Variants in TECR observed in about 807,000 individuals in gnomAD.
TECR encodes trans-2,3-enoyl-CoA reductase.
A neutral mutation model predicts 50.6 loss-of-function variants in TECR; 19 were observed. The ratio of observed to expected loss-of-function variants is 0.38; its 90% CI spans 0.26 to 0.55. The LOEUF is 0.55. Among genes scored for constraint, TECR ranks in the 20% least tolerant of loss-of-function variants. The pLI is 0.79. For missense variants in TECR, 313 were observed against 408.3 expected (o/e 0.77, Z 2.01); for synonymous variants, 168 against 163.5 (o/e 1.03, Z -0.21).
At chr19:14,558,698 C>G (rs529077853) in intron 1 of TECR, among the ~76,000 whole-genome samples, 1 of 152,294 alleles carries the variant, frequency 6.6e-6, no homozygotes, top group Admixed American at 6.5e-5. Context: ...GTGCTGGGAC[C>G]TCGCTGACAC....
rs2073948548 is a variant in TECR, at chr19:14,563,043, C to T, written c.67-163C>T. Reference sequence around the variant, plus strand: ...CTGCTGTCACTGCACTGGCAGGGCCCTCGGTGGTCCTTCCCTGACTGCAGG... The same window carrying T: ...CTGCTGTCACTGCACTGGCAGGGCCTTCGGTGGTCCTTCCCTGACTGCAGG... On this transcript the variant is annotated intron_variant, in intron 2 of 12. Transcript: ENST00000215567. This position sits in a 1 kb window ranked among gnomAD's most constrained non-coding sequence, Gnocchi z 5.3. 13 of 829,550 alleles carry T rather than the reference C, an allele frequency of 1.6e-5. No homozygotes were observed. The South Asian group carries it at 1.8e-4, about 11-fold the overall frequency. The allele number at this position is 829,550 out of a possible 1,614,324, so 51.4% of individuals were successfully genotyped here.
intron 1 of TECR, among the ~76,000 whole-genome samples, chr19:14,543,442 T>A (rs1357113301): frequency 0.096 from 5,089 of 53,146 alleles, 498 homozygotes; most frequent in Non-Finnish European, 0.16. Flanking sequence ...TTTTTTTTTT[T>A]TTTTTTTTTT....
chr19:14,565,207 A>G lies in TECR; in HGVS notation c.670A>G (p.Lys224Glu). ...CCTTCTGTCCTGCCTGCCAGGGTCC[A>G]AGACGCGGAAGATCCCATACCCCAC... ...ALRDLRPAGS[K>E]TRKIPYPTKN... Residue 224 changes from lysine to glutamate, a missense_variant, in exon 11 of 13, where the codon AAG becomes GAG. Transcript: ENST00000215567. 6.2e-7 allele frequency: 1 copy of G among 1,613,970 alleles called. No homozygotes were observed. The highest frequency in any genetic ancestry group is 1.1e-5 in the South Asian group (1 of 91,080).
Position 14,563,654 on chromosome 19 carries a change from G to A in TECR, c.119-4G>A, listed in dbSNP as rs764708838. ...GGGCTGTAACTGCCCTGTTCTCCCC[G>A]CAGATCCGCAGTGGTACCCCGCCCG... On this transcript the variant is annotated splice_polypyrimidine_tract_variant and splice_region_variant and intron_variant, in intron 3 of 12. Transcript: ENST00000215567. This position sits in a 1 kb window ranked among gnomAD's most constrained non-coding sequence, Gnocchi z 5.3. The A allele has an allele frequency of 2.1e-5, 34 of 1,611,278 alleles. No homozygotes were observed. The South Asian group carries it at 3.3e-4, about 16-fold the overall frequency.
In TECR at chr19:14,563,469, C is replaced by T; in HGVS notation, c.119-189C>T. The T allele has an allele frequency of 1.2e-6, 1 of 844,698 alleles. No individual in the cohort carries two copies. Among genetic ancestry groups the T allele is most frequent in the South Asian group, 1.5e-5 (1 of 65,408 alleles). The allele number at this position is 844,698 out of a possible 1,614,324, so 52.3% of individuals were successfully genotyped here. Reference sequence around the variant, plus strand: ...CTCTGGGAAGGACAAGATCCTGCTTCTGCCCGCGCTCTTCTGGCTTGTGTC... The same window carrying T: ...CTCTGGGAAGGACAAGATCCTGCTTTTGCCCGCGCTCTTCTGGCTTGTGTC... On this transcript the variant is annotated intron_variant, in intron 3 of 12. Coordinates refer to ENST00000215567, the MANE Select transcript of TECR (RefSeq NM_138501.6). This position sits in a 1 kb window ranked among gnomAD's most constrained non-coding sequence, Gnocchi z 5.3.
In TECR at chr19:14,565,113, G is replaced by A; in HGVS notation, c.654G>A (p.Leu218=). Residue 218 remains leucine, a synonymous_variant, in exon 10 of 13, where the codon CTG becomes CTA. Transcript: ENST00000215567. ...CCATCCACATGGCCCTGCGGGACCT[G>A]CGGCCCGCTGGTGAGTGCCTGCTGG... ...NFSIHMALRD[L]RPAGSKTRKI... is the part of the protein sequence containing the mutation. The A allele has an allele frequency of 1.2e-6, 2 of 1,613,794 alleles. No homozygotes were observed. Among genetic ancestry groups the A allele is most frequent in the Non-Finnish European group, 1.7e-6 (2 of 1,180,036 alleles).
intron 1 of TECR, among the ~76,000 whole-genome samples, chr19:14,546,905 G>T (rs1238167279): frequency 1.3e-5 from 2 of 152,182 alleles, no homozygotes; most frequent in South Asian, 4.1e-4. Flanking sequence ...GGCCAGGCTG[G>T]TCTCAAACTC....
At position 14,556,434 on chromosome 19, in the gene TECR, C is replaced by CAAAAAAAAAA. The variant is rs1491415468; in HGVS notation, c.16-6091_16-6090insAAAAAAAAAA. Among the ~76,000 whole-genome samples, 70 of 128,726 alleles carry CAAAAAAAAAA rather than the reference C, an allele frequency of 5.4e-4. 1 individual carries two copies. In the South Asian group the frequency reaches 9.0e-3, roughly 17 times the overall value. The allele number at this position is 128,726 out of a possible 152,430, so 84.4% of individuals were successfully genotyped here. A position where few individuals can be genotyped will look rare whatever the true frequency, so the allele number is the denominator to read the frequency against. On this transcript the variant is annotated intron_variant, in intron 1 of 12. Transcript: ENST00000215567. The stretch of plus-strand genomic sequence containing the variant: ...AAAAAAAAAACAAAAACAAAAAAAA[C>CAAAAAAAAAA]CACATTGTGACCTCCCCCACAACCT...
intron 1 of TECR, chr19:14,531,459 G>C (rs1218105522): frequency 1.3e-5 from 2 of 151,040 alleles, no homozygotes; most frequent in East Asian, 4.0e-4. Context: ...TTTCGCTCTT[G>C]TTGAGTACGC....
chr19:14,544,507 A>G (rs1005205557), intron 1 of TECR, among the ~76,000 whole-genome samples: 3 of 151,962 alleles, frequency 2.0e-5, no homozygotes, highest in East Asian at 1.9e-4. Flanking sequence ...CGGCCATTCT[A>G]TGGGACTGGC....
At chr19:14,529,783 G>T in intron 1 of TECR, 72 bp downstream of exon 1, 2 of 1,607,438 alleles carry the variant, frequency 1.2e-6, no homozygotes, top group Admixed American at 1.7e-5. Context: ...GGGACCACGG[G>T]ACCCCACTTT....
At chr19:14,546,339 C>T (rs1221253036) in intron 1 of TECR, among the ~76,000 whole-genome samples, 2 of 151,928 alleles carry the variant, frequency 1.3e-5, no homozygotes, top group Non-Finnish European at 2.9e-5. Flanking sequence ...GTAATTTCAG[C>T]ACTTTGGAAG....
At chr19:14,538,362 G>T (rs1267583250) in intron 1 of TECR, among the ~76,000 whole-genome samples, 1 of 152,042 alleles carries the variant, frequency 6.6e-6, no homozygotes. Context: ...ACACCTGGGG[G>T]CCTGTGGGGG....
chr19:14,560,393 C>A lies in TECR; in HGVS notation c.16-2132C>A, dbSNP rs56079432. ...CGGGCTTGGAAGCATGTGGGCACTG[C>A]CTGCCTGGGGCCCAGGAACTATTAA... On this transcript the variant is annotated intron_variant, in intron 1 of 12. Transcript: ENST00000215567. Among the ~76,000 whole-genome samples the A allele has an allele frequency of 2.7e-3, 417 of 152,306 alleles. 4 individuals are homozygous for A. Among genetic ancestry groups the A allele is most frequent in the African/African-American group, 9.6e-3 (401 of 41,566 alleles).
chr19:14,535,506 CAAAAAAAAAAAAAAAA>C (rs1172079027), intron 1 of TECR, among the ~76,000 whole-genome samples: 211 of 17,172 alleles, frequency 0.012, 13 homozygotes, highest in African/African-American at 0.049. Flanking sequence ...GACTCCGTCT[CAAAAAAAAAAAAAAAA>C]AAAAAAAAAA....
Position 14,565,131 on chromosome 19 carries a change from C to G in TECR, c.664+8C>G. On this transcript the variant is annotated splice_region_variant and intron_variant, in intron 10 of 12. Transcript: ENST00000215567. ...GGGACCTGCGGCCCGCTGGTGAGTGCCTGCTGGGGGCAGGGGGACAGCTGG... is the reference window on the plus strand; with the variant it reads ...GGGACCTGCGGCCCGCTGGTGAGTGGCTGCTGGGGGCAGGGGGACAGCTGG... 1 of 1,613,764 alleles carries G rather than the reference C, an allele frequency of 6.2e-7. No individual in the cohort carries two copies. Among genetic ancestry groups the G allele is most frequent in the Non-Finnish European group, 8.5e-7 (1 of 1,180,024 alleles).
In TECR at chr19:14,564,224, G is replaced by T. The variant is rs374705715; in HGVS notation, c.426G>T (p.Leu142=). 6.2e-7 allele frequency: 1 copy of T among 1,607,968 alleles called. No homozygotes were observed. The highest frequency in any genetic ancestry group is 1.1e-5 in the South Asian group (1 of 91,072). The change falls in exon 7 of 13, where the codon CTG becomes CTT. Residue 142 remains leucine (L), a synonymous_variant. Transcript: ENST00000215567. The part of the protein sequence containing the change: ...ICHSFHYIKR[L]LETLFVHRFS... Reference sequence around the variant, plus strand: ...ACTCATTCCACTACATCAAGCGCCTGCTGGAGACGCTCTTCGTGCACCGCT... The same window carrying T: ...ACTCATTCCACTACATCAAGCGCCTTCTGGAGACGCTCTTCGTGCACCGCT...
rs1341164880 is a variant in TECR at position 14,540,377 on chromosome 19, A to G, written c.15+10666A>G. ...GCCACTGTGCCTGGCTAATTTTTGT[A>G]TTTTTATTTATTTATTAAAAAATGT... On this transcript the variant is annotated intron_variant, in intron 1 of 12. Transcript: ENST00000215567. Among the ~76,000 whole-genome samples the G allele has an allele frequency of 1.2e-4, 17 of 146,696 alleles. No individual in the cohort carries two copies. The Admixed American group carries it at 1.2e-3, about 10-fold the overall frequency.
In TECR at chr19:14,563,837, G is replaced by A. The variant is rs775009211; in HGVS notation, c.201G>A (p.Lys67=). 5 of 1,613,944 alleles carry A rather than the reference G, an allele frequency of 3.1e-6. No homozygotes were observed. The highest frequency in any genetic ancestry group is 4.2e-6 in the Non-Finnish European group (5 of 1,179,948). ...TGAAGGATGAGGATGTTCTGCAGAA[G>A]CTGCCCGTGGGCACCACGGCCACAC... ...KSLKDEDVLQ[K]LPVGTTATLY... The change falls in exon 5 of 13, where the codon AAG becomes AAA. Residue 67 remains lysine (K), a synonymous_variant. Transcript: ENST00000215567. The surrounding 1 kb of genome is among the most constrained non-coding windows in gnomAD (Gnocchi z 5.3).
Sources: gnomAD v4.1 joint callset for allele counts (sites outside exome capture counted in the v4.1 genomes callset) on GRCh38, gnomAD v4.1.1 for gene constraint, Gnocchi (gnomAD v3.1) non-coding constraint, MANE v1.5 for transcripts, NCBI Gene and HGNC (gene_info 2026-07-23, HGNC 2026-07-21) for gene names.